The following PLEKHH2 variants were observed in gnomAD, a reference collection of about 807,000 sequenced individuals.
The protein encoded by PLEKHH2 is pleckstrin homology, MyTH4 and FERM domain containing H2, also known as pleckstrin homology domain-containing family H member 2.
PLEKHH2 carries 129 observed loss-of-function variants against 187.9 expected under a neutral mutation model. The ratio of observed to expected loss-of-function variants is 0.69; its 90% confidence interval spans 0.59 to 0.79. The LOEUF is 0.79. Among genes scored for constraint, PLEKHH2 ranks in the 30% least tolerant of loss-of-function variants. PLEKHH2 has a pLI of 0.00. For synonymous variants in PLEKHH2, 686 were observed against 605.6 expected (o/e 1.13, Z -1.95); for missense variants, 2,076 against 1,751.2 (o/e 1.19, Z -3.31).
At chr2:43,682,473 AT>A (rs201024970) in intron 3 of PLEKHH2, among the ~76,000 whole-genome samples, 1,774 of 151,860 alleles carry the variant, frequency 0.012, 33 homozygotes, top group African/African-American at 0.041. Context: ...CGCCTGGCTA[AT>A]TTTTTGTATT....
At chr2:43,692,242 A>G (rs1668833802) in intron 3 of PLEKHH2, 1 of 236,004 alleles carries the variant, frequency 4.2e-6, no homozygotes, top group African/African-American at 2.3e-5. Flanking sequence ...AACACTTTGC[A>G]TATTGTCATC....
chr2:43,655,195 A>G (rs1666692113), intron 2 of PLEKHH2, among the ~76,000 whole-genome samples: 1 of 151,686 alleles, frequency 6.6e-6, no homozygotes, highest in South Asian at 2.1e-4. Flanking sequence ...AAATAAAATA[A>G]TAATAATAAT....
chr2:43,717,373 G>T (rs1055596274), intron 15 of PLEKHH2, among the ~76,000 whole-genome samples: 2 of 152,154 alleles, frequency 1.3e-5, no homozygotes, highest in African/African-American at 4.8e-5. Flanking sequence ...AGCCAAGATT[G>T]TGCCACTGTG....
chr2:43,676,161 T>G (rs1452237281), intron 2 of PLEKHH2: 2 of 1,614,036 alleles, frequency 1.2e-6, no homozygotes, highest in South Asian at 2.2e-5. Flanking sequence ...TTGAAGTGTT[T>G]AAGAAATCGT....
intron 3 of PLEKHH2, among the ~76,000 whole-genome samples, chr2:43,690,845 C>T (rs1167773991): frequency 2.6e-5 from 4 of 152,144 alleles, no homozygotes; most frequent in Non-Finnish European, 5.9e-5. Flanking sequence ...TCAACTAGAC[C>T]ATCTACAATC....
chr2:43,641,294 C>T (rs1665907906), intron 1 of PLEKHH2, among the ~76,000 whole-genome samples: 1 of 151,986 alleles, frequency 6.6e-6, no homozygotes. Context: ...TCTATTTTTT[C>T]TTCGATTCCT....
chr2:43,678,915 C>T lies in PLEKHH2; in HGVS notation c.176C>T (p.Ala59Val), dbSNP rs773188665. 6.2e-7 allele frequency: 1 copy of T among 1,608,312 alleles called. No homozygotes were observed. The highest frequency in any genetic ancestry group is 1.1e-5 in the South Asian group (1 of 90,390). The change falls in exon 3 of 30, where the codon GCT (alanine) becomes GTT (valine). Residue 59 changes from alanine (A) to valine (V), a missense_variant. Physicochemically the swap from Ala to Val is moderately conservative, Grantham distance 64. Coordinates refer to ENST00000282406, the MANE Select transcript of PLEKHH2 (RefSeq NM_172069.4). ...VIDAERQAEK[A>V]FQQVQVMEDK... Reference sequence around the variant, plus strand: ...GATGCTGAACGTCAAGCAGAAAAAGCTTTTCAACAGGTAGAGTATAATTTT... The same window carrying T: ...GATGCTGAACGTCAAGCAGAAAAAGTTTTTCAACAGGTAGAGTATAATTTT...
chr2:43,723,341 C>T (rs13424396), intron 16 of PLEKHH2, among the ~76,000 whole-genome samples: 3 of 151,878 alleles, frequency 2.0e-5, no homozygotes, highest in African/African-American at 7.3e-5. Context: ...CACAGAGGAG[C>T]CTTCCTAAGG....
In PLEKHH2 at chr2:43,710,183, A is replaced by T. The variant is rs767192878; in HGVS notation, c.2104-37A>T. 9 of 1,611,004 alleles carry T rather than the reference A, an allele frequency of 5.6e-6. 1 individual carries two copies. The South Asian group carries it at 9.9e-5, about 18-fold the overall frequency. Reference sequence around the variant, plus strand: ...TCAGTCAGATTGAGCCTCCAAAAGGAAACTGAAAATGCTTTTGTCTATCTT... The same window carrying T: ...TCAGTCAGATTGAGCCTCCAAAAGGTAACTGAAAATGCTTTTGTCTATCTT... On this transcript the variant is annotated intron_variant, in intron 12 of 29. Transcript: ENST00000282406.
intron 3 of PLEKHH2, among the ~76,000 whole-genome samples, chr2:43,685,705 G>A (rs574907420): frequency 4.7e-5 from 7 of 149,104 alleles, no homozygotes; most frequent in Non-Finnish European, 1.0e-4. Flanking sequence ...GCCTTCCAAA[G>A]TGCTGGGATT....
At chr2:43,738,865 TC>T (rs1671425790) in intron 20 of PLEKHH2, among the ~76,000 whole-genome samples, 1 of 152,210 alleles carries the variant, frequency 6.6e-6, no homozygotes, top group Non-Finnish European at 1.5e-5. Flanking sequence ...CTATATTTTT[TC>T]CTATAATAAA....
chr2:43,667,424 G>A (rs183189860), intron 2 of PLEKHH2, among the ~76,000 whole-genome samples: 61 of 152,228 alleles, frequency 4.0e-4, no homozygotes, highest in African/African-American at 1.4e-3. Flanking sequence ...TGACCCAGAA[G>A]TTCTACTCCT....
chr2:43,666,913 A>G (rs1667247035), intron 2 of PLEKHH2, among the ~76,000 whole-genome samples: 1 of 152,124 alleles, frequency 6.6e-6, no homozygotes. Flanking sequence ...AATAGTAAGT[A>G]TTGGCTTAGT....
chr2:43,756,946 T>C (rs1672235997), intron 25 of PLEKHH2, among the ~76,000 whole-genome samples, 173 bp from the exon 26 acceptor site: 1 of 152,198 alleles, frequency 6.6e-6, no homozygotes, highest in South Asian at 2.1e-4. Context: ...ATAATTCAAA[T>C]GTAATTTATA....
intron 24 of PLEKHH2, among the ~76,000 whole-genome samples, chr2:43,751,721 G>A (rs1672017142): frequency 6.6e-6 from 1 of 152,242 alleles, no homozygotes; most frequent in Non-Finnish European, 1.5e-5. Context: ...GCAGCTGAAA[G>A]CTGGCCATAT....
In PLEKHH2 at chr2:43,744,000, G is replaced by A. The variant is rs376855251; in HGVS notation, c.3555+11G>A. On this transcript the variant is annotated intron_variant, in intron 23 of 29. Transcript: ENST00000282406. ...CAAGGAAACATCAAGGTGAAACCAAGTCCTTTTCAGGAGCCAAGCCCAACG... is the reference window on the plus strand; with the variant it reads ...CAAGGAAACATCAAGGTGAAACCAAATCCTTTTCAGGAGCCAAGCCCAACG... 3 of 1,608,804 alleles carry A rather than the reference G, an allele frequency of 1.9e-6. No homozygotes were observed. Among genetic ancestry groups the A allele is most frequent in the South Asian group, 1.1e-5 (1 of 90,360 alleles).
intron 1 of PLEKHH2, among the ~76,000 whole-genome samples, chr2:43,638,682 T>TTA (rs1185641588): frequency 2.6e-5 from 4 of 152,266 alleles, no homozygotes; most frequent in East Asian, 1.9e-4. Flanking sequence ...TGTTATATAG[T>TTA]TATATATATA....
intron 3 of PLEKHH2, chr2:43,681,307 G>T: frequency 1.3e-6 from 1 of 798,462 alleles, no homozygotes; most frequent in Non-Finnish European, 2.0e-6. Context: ...CTCTGTCTGT[G>T]TTGGTGAGGA....
intron 16 of PLEKHH2, among the ~76,000 whole-genome samples, chr2:43,723,326 T>C (rs1485152174): frequency 6.6e-6 from 1 of 152,208 alleles, no homozygotes; most frequent in Non-Finnish European, 1.5e-5. Flanking sequence ...ATTTAAGTTT[T>C]ACATCACAGA....
Sources: allele counts gnomAD v4.1 joint callset (sites outside exome capture counted in the v4.1 genomes callset), GRCh38; gene constraint gnomAD v4.1.1; transcripts MANE v1.5; gene names NCBI Gene and HGNC (gene_info 2026-07-23, HGNC 2026-07-21).